HUWE1: variants seen among roughly 807,000 people sequenced by gnomAD.
HUWE1 encodes E3 ubiquitin-protein ligase HUWE1.
Under a neutral mutation model 299.4 loss-of-function variants are expected in HUWE1, and 18 were observed. The observed-to-expected ratio is 0.06, with a 90% confidence interval of 0.04 to 0.09. HUWE1 has a LOEUF of 0.09. HUWE1 is among the 10% of genes least tolerant of loss of function. HUWE1 has a pLI of 1.00. For synonymous variants in HUWE1, 1,317 were observed against 1,286.1 expected (o/e 1.02, Z -0.51); for missense variants, 1,832 against 3,462.3 (o/e 0.53, Z 11.82).
chrX:53,586,009 C>T (rs188963920), intron 39 of HUWE1, among the ~76,000 whole-genome samples: 25 of 111,830 alleles, frequency 2.2e-4, no homozygotes, highest in Non-Finnish European at 4.0e-4. Flanking sequence ...TAAATTAGTC[C>T]GTGGTATTAC....
intron 25 of HUWE1, among the ~76,000 whole-genome samples, chrX:53,606,901 A>G (rs1167083465): frequency 9.0e-6 from 1 of 111,640 alleles, no homozygotes; most frequent in Non-Finnish European, 1.9e-5. Flanking sequence ...CTGCACATCA[A>G]TATGAATACA....
rs1557024916 is a variant in HUWE1, at chrX:53,634,229, T to C, written c.567+7A>G. ...AAAAGACACCCATATCCCAAAGAGTTACTTACCATCATATGCAAGTCTCTG... is the reference window on the plus strand; with the variant it reads ...AAAAGACACCCATATCCCAAAGAGTCACTTACCATCATATGCAAGTCTCTG... On this transcript the variant is annotated splice_region_variant and intron_variant, in intron 8 of 83. Coordinates refer to ENST00000262854, the MANE Select transcript of HUWE1 (RefSeq NM_031407.7). 2 of 1,184,535 alleles carry C rather than the reference T, an allele frequency of 1.7e-6. No individual in the cohort carries two copies. Among genetic ancestry groups the C allele is most frequent in the African/African-American group, 1.8e-5 (1 of 56,576 alleles).
intron 74 of HUWE1, among the ~76,000 whole-genome samples, chrX:53,541,854 A>G (rs1308699696): frequency 1.8e-5 from 2 of 111,655 alleles, no homozygotes; most frequent in African/African-American, 6.5e-5. Flanking sequence ...TGATGGAGAA[A>G]GACCCTGCCT....
chrX:53,604,956 T>C (rs1331681801), intron 25 of HUWE1, 122 bp from the exon 26 acceptor site: 3 of 667,131 alleles, frequency 4.5e-6, no homozygotes, highest in Admixed American at 2.7e-5. Context: ...GATATGGCCA[T>C]GGTCTCTCAC....
At chrX:53,663,110 C>G (rs1323051203) in intron 3 of HUWE1, among the ~76,000 whole-genome samples, 1 of 112,252 alleles carries the variant, frequency 8.9e-6, no homozygotes, top group Non-Finnish European at 1.9e-5. Flanking sequence ...GTAATAGAGA[C>G]AATTTGACAA....
At chrX:53,655,539 T>C (rs1557042547) in intron 3 of HUWE1, among the ~76,000 whole-genome samples, 2 of 112,353 alleles carry the variant, frequency 1.8e-5, no homozygotes, top group Middle Eastern at 4.6e-3. Flanking sequence ...CAATACAAAA[T>C]GAACAAAATG....
intron 19 of HUWE1, among the ~76,000 whole-genome samples, chrX:53,621,944 G>A (rs1221271699): frequency 8.9e-6 from 1 of 112,126 alleles, no homozygotes; most frequent in Non-Finnish European, 1.9e-5. Flanking sequence ...ATAACATGAG[G>A]GGTAAGGCAG....
Position 53,533,055 on chromosome X carries a change from T to C in HUWE1, c.*254A>G. On this transcript the variant is annotated 3_prime_UTR_variant, in exon 84 of 84. Coordinates refer to ENST00000262854, the MANE Select transcript of HUWE1 (RefSeq NM_031407.7). ...ACAGGTCCCTGCAAAGGCTACTGCC[T>C]TTTTAAAACACATGGGGTGGGGATC... 1 of 399,092 alleles carries C rather than the reference T, an allele frequency of 2.5e-6. No individual in the cohort carries two copies. Among genetic ancestry groups the C allele is most frequent in the Admixed American group, 4.3e-5 (1 of 23,134 alleles). 32.9% of individuals were successfully genotyped at this position (399,092 alleles called of 1,213,427 possible).
intron 21 of HUWE1, among the ~76,000 whole-genome samples, chrX:53,616,184 T>A (rs1235969124): frequency 9.1e-6 from 1 of 110,280 alleles, no homozygotes; most frequent in Non-Finnish European, 1.9e-5. Context: ...ATGGTAGGTG[T>A]GTGCCACTGT....
chrX:53,614,772 T>C, intron 22 of HUWE1, 27 bp from the exon 23 acceptor site: 1 of 1,038,569 alleles, frequency 9.6e-7, no homozygotes, highest in South Asian at 1.9e-5. Flanking sequence ...ATAAGATTAC[T>C]TATTAGTAAT....
chrX:53,579,455 G>A (rs2063492864), intron 43 of HUWE1, among the ~76,000 whole-genome samples: 1 of 112,555 alleles, frequency 8.9e-6, no homozygotes, highest in African/African-American at 3.2e-5. Context: ...TGTGCCCAGT[G>A]GCTCATTGGG....
intron 6 of HUWE1, among the ~76,000 whole-genome samples, chrX:53,646,514 G>C (rs1192115437): frequency 9.0e-6 from 1 of 111,538 alleles, no homozygotes; most frequent in African/African-American, 3.3e-5. Flanking sequence ...CAGTTGGTCA[G>C]AATTAAAATC....
At chrX:53,640,291 C>T (rs1603232712) in intron 7 of HUWE1, among the ~76,000 whole-genome samples, 2 of 111,559 alleles carry the variant, frequency 1.8e-5, no homozygotes, top group African/African-American at 3.3e-5. Context: ...GCCTGGGAAG[C>T]GGAGGATGCA....
chrX:53,543,958 A>T lies in HUWE1; in HGVS notation c.11262T>A (p.Gly3754=). The T allele has an allele frequency of 8.3e-7, 1 of 1,203,248 alleles. No individual in the cohort carries two copies. Among genetic ancestry groups the T allele is most frequent in the Non-Finnish European group, 1.1e-6 (1 of 890,269 alleles). ...CCTGGATGCTGCTAGCTGAGCCTAA[A>T]CCGGAGGAACCTGGGAGAAAGAGAA... is the stretch of plus-strand genomic sequence containing the variant. ...AKQTGRLGSS[G]LGSASSIQAA... is the part of the protein sequence containing the mutation. The change falls in exon 73 of 84, where the codon GGT becomes GGA. Residue 3754 remains glycine (G), a synonymous_variant. Coordinates refer to ENST00000262854, the MANE Select transcript of HUWE1 (RefSeq NM_031407.7).
rs951011310 is a variant in HUWE1, at chrX:53,533,188, G to A, written c.*121C>T. The A allele has an allele frequency of 3.9e-6, 2 of 512,426 alleles. No homozygotes were observed. Among genetic ancestry groups the A allele is most frequent in the Non-Finnish European group, 7.0e-6 (2 of 283,848 alleles). 42.2% of individuals were successfully genotyped at this position (512,426 alleles called of 1,213,427 possible). ...AAGATGGGGCAGCTGGGACACACAC[G>A]GTGAGTTGGTGGATTTCATTTATTG... On this transcript the variant is annotated 3_prime_UTR_variant, in exon 84 of 84. Coordinates refer to ENST00000262854, the MANE Select transcript of HUWE1 (RefSeq NM_031407.7).
At chrX:53,586,934 A>G (rs1556973873) in intron 37 of HUWE1, 25 bp from the exon 38 acceptor site, 2 of 1,208,870 alleles carry the variant, frequency 1.7e-6, no homozygotes, top group Non-Finnish European at 1.1e-6. Context: ...GGAAAAAACA[A>G]CAACAACCAG....
At chrX:53,560,571 C>T (rs1384013808) in intron 55 of HUWE1, among the ~76,000 whole-genome samples, 155 bp from the exon 56 acceptor site, 4 of 111,806 alleles carry the variant, frequency 3.6e-5, no homozygotes, top group African/African-American at 9.8e-5. Context: ...CAATCACTGA[C>T]ACTACCATAG....
intron 77 of HUWE1, 102 bp downstream of exon 77, chrX:53,538,235 G>T (rs1265663598): frequency 1.4e-5 from 8 of 578,552 alleles, no homozygotes; most frequent in Non-Finnish European, 2.4e-5. Context: ...TCCAAGTGCT[G>T]TCACCAAAGG....
In HUWE1 at chrX:53,552,630, A is replaced by T. The variant is rs2061814180; in HGVS notation, c.8750+8T>A. The T allele has an allele frequency of 8.3e-7, 1 of 1,211,765 alleles. No homozygotes were observed. The highest frequency in any genetic ancestry group is 1.7e-5 in the African/African-American group (1 of 57,812). On this transcript the variant is annotated splice_region_variant and intron_variant, in intron 62 of 83. Transcript: ENST00000262854. ...TATCCTACCCTTCTTTTGCCCACAC[A>T]TGCTTACCTGTCCTCAGGTGGCTGG...
Sources: gnomAD v4.1 joint callset for allele counts (sites outside exome capture counted in the v4.1 genomes callset) on GRCh38, gnomAD v4.1.1 for gene constraint, MANE v1.5 for transcripts, NCBI Gene and HGNC (gene_info 2026-07-23, HGNC 2026-07-21) for gene names.